Variants in FSIP2 observed in about 807,000 individuals in gnomAD.
The protein encoded by FSIP2 is fibrous sheath interacting protein 2.
FSIP2 carries 367 observed loss-of-function variants against 510.5 expected under a neutral mutation model. The ratio of observed to expected loss-of-function variants is 0.72; its 90% confidence interval spans 0.66 to 0.78. FSIP2 has a LOEUF of 0.78. Ranked by LOEUF, FSIP2 falls within the 30% of genes least tolerant of loss-of-function variation. FSIP2 has a pLI of 0.00. For synonymous variants in FSIP2, 2,601 were observed against 2,732.2 expected (o/e 0.95, Z 1.50); for missense variants, 7,594 against 7,901.7 (o/e 0.96, Z 1.48).
chr2:185,787,883 T>G (rs1332043192), intron 15 of FSIP2: 1 of 151,760 alleles, frequency 6.6e-6, no homozygotes, highest in Admixed American at 6.6e-5. Flanking sequence ...ATTTGTTACC[T>G]TACTTTAGTA....
Position 185,801,065 on chromosome 2 carries a change from G to A in FSIP2, c.11759G>A (p.Ser3920Asn). The A allele has an allele frequency of 6.5e-7, 1 of 1,532,396 alleles. No individual in the cohort carries two copies. 94.9% of individuals were successfully genotyped at this position (1,532,396 alleles called of 1,614,324 possible). ...NSLTVSLNNPSVVSSKIQAPF... is the reference protein window; with the variant it reads ...NSLTVSLNNPNVVSSKIQAPF... ...TTGACAGTATCCCTGAATAATCCCAGTGTGGTTAGCTCCAAAATACAAGCA... is the reference window on the plus strand; with the variant it reads ...TTGACAGTATCCCTGAATAATCCCAATGTGGTTAGCTCCAAAATACAAGCA... The change falls in exon 17 of 23, where the codon AGT becomes AAT. Residue 3920 changes from serine to asparagine, a missense_variant. Physicochemically the swap from Ser to Asn is conservative, Grantham distance 46. Coordinates refer to ENST00000424728, the MANE Select transcript of FSIP2 (RefSeq NM_173651.4).
chr2:185,809,402 C>T (rs1693678830), intron 17 of FSIP2, among the ~76,000 whole-genome samples: 1 of 152,102 alleles, frequency 6.6e-6, no homozygotes, highest in South Asian at 2.1e-4. Context: ...AGATTGTAAG[C>T]ACATACCCTT....
intron 8 of FSIP2, among the ~76,000 whole-genome samples, chr2:185,754,802 G>C (rs1692210848): frequency 6.6e-6 from 1 of 151,364 alleles, no homozygotes; most frequent in Admixed American, 6.6e-5. Flanking sequence ...GTCCAATCCT[G>C]TTTCATCATT....
At position 185,790,261 on chromosome 2, in the gene FSIP2, G is replaced by A. The variant is rs1236251087; in HGVS notation, c.3125G>A (p.Cys1042Tyr). 6.5e-7 allele frequency: 1 copy of A among 1,533,240 alleles called. No homozygotes were observed. The highest frequency in any genetic ancestry group is 8.7e-7 in the Non-Finnish European group (1 of 1,145,242). 95.0% of individuals were successfully genotyped at this position (1,533,240 alleles called of 1,614,324 possible). Residue 1042 changes from cysteine (C) to tyrosine (Y), a missense_variant, in exon 16 of 23, where the codon TGT (cysteine) becomes TAT (tyrosine). Coordinates refer to ENST00000424728, the MANE Select transcript of FSIP2 (RefSeq NM_173651.4). ...PNHWFTKGNT[C>Y]FECKRNIKPP... ...CATTGGTTTACAAAGGGAAACACTT[G>A]TTTTGAATGCAAAAGAAATATCAAA...
rs1293673680 is a variant in FSIP2, at chr2:185,805,233, G to A, written c.15927G>A (p.Met5309Ile). 6.3e-7 allele frequency: 1 copy of A among 1,596,368 alleles called. No individual in the cohort carries two copies. Among genetic ancestry groups the A allele is most frequent in the Non-Finnish European group, 8.5e-7 (1 of 1,173,570 alleles). ...ATGAAATGGCAGAGCTAGATATTAT[G>A]GGCTTGGCTCTAAAACTTGCAAATT... The part of the protein sequence containing the change: ...KKNEMAELDI[M>I]GLALKLANSL... The change falls in exon 17 of 23, where the codon ATG (methionine) becomes ATA (isoleucine). Residue 5309 changes from methionine to isoleucine, a missense_variant. Physicochemically the swap from Met to Ile is conservative, Grantham distance 10. Coordinates refer to ENST00000424728, the MANE Select transcript of FSIP2 (RefSeq NM_173651.4).
chr2:185,805,894 CAAA>C lies in FSIP2; in HGVS notation c.16591_16593del (p.Lys5531del), dbSNP rs756387364. On this transcript the variant is annotated inframe_deletion, in exon 17 of 23. Transcript: ENST00000424728. ...TGAAAATAAAGTGGGAATTTGTACT[CAAA>C]AACATAGTGAGAATGTATCAAAAGT... is the stretch of plus-strand genomic sequence containing the variant. The C allele has an allele frequency of 2.1e-5, 33 of 1,607,216 alleles. No individual in the cohort carries two copies. The Admixed American group carries it at 4.8e-4, about 23-fold the overall frequency.
In FSIP2 at chr2:185,802,789, A is replaced by G. The variant is rs1693470625; in HGVS notation, c.13483A>G (p.Lys4495Glu). ...SSLVLNRDTQKDISRVNFNDI... is the reference protein window; with the variant it reads ...SSLVLNRDTQEDISRVNFNDI... ...CCTGGTTCTAAACAGAGACACCCAAAAAGATATATCAAGAGTGAATTTCAA... is the reference window on the plus strand; with the variant it reads ...CCTGGTTCTAAACAGAGACACCCAAGAAGATATATCAAGAGTGAATTTCAA... The change falls in exon 17 of 23, where the codon AAA becomes GAA. Residue 4495 changes from lysine to glutamate, a missense_variant. Lys to Glu is a moderately conservative substitution (Grantham distance 56). Transcript: ENST00000424728. The G allele has an allele frequency of 2.0e-6, 3 of 1,521,260 alleles. No homozygotes were observed. The highest frequency in any genetic ancestry group is 2.6e-6 in the Non-Finnish European group (3 of 1,141,028). The allele number at this position is 1,521,260 out of a possible 1,614,324, so 94.2% of individuals were successfully genotyped here. A position where few individuals can be genotyped will look rare whatever the true frequency, so the allele number is the denominator to read the frequency against.
At chr2:185,760,883 CAATTAAAT>C in intron 9 of FSIP2, 97 bp from the exon 10 acceptor site, 1 of 511,746 alleles carries the variant, frequency 2.0e-6, no homozygotes, top group African/African-American at 2.0e-5. Flanking sequence ...ATTTCCAAGT[CAATTAAAT>C]AATTAAATAG....
rs530990340 is a variant in FSIP2, at chr2:185,782,730, G to A, written c.1437G>A (p.Pro479=). The part of the protein sequence containing the change: ...ESGPQAHATD[P]GIFSSPVYTN... ...GACCTCAGGCTCATGCTACAGACCCGGGTATATTTTCTTCTCCTGTTTACA... is the reference window on the plus strand; with the variant it reads ...GACCTCAGGCTCATGCTACAGACCCAGGTATATTTTCTTCTCCTGTTTACA... The change falls in exon 14 of 23, where the codon CCG becomes CCA. Residue 479 remains proline (P), a synonymous_variant. Coordinates refer to ENST00000424728, the MANE Select transcript of FSIP2 (RefSeq NM_173651.4). 28 of 1,515,542 alleles carry A rather than the reference G, an allele frequency of 1.8e-5. No individual in the cohort carries two copies. The East Asian group carries it at 4.4e-4, about 24-fold the overall frequency. 93.9% of individuals were successfully genotyped at this position (1,515,542 alleles called of 1,614,324 possible).
chr2:185,796,243 A>G lies in FSIP2; in HGVS notation c.9107A>G (p.Asn3036Ser). ...NLSSIQQKLLNKKMLPKLQPL... is the reference protein window; with the variant it reads ...NLSSIQQKLLSKKMLPKLQPL... ...TCTTCTATCCAACAGAAACTGTTAAACAAAAAAATGTTGCCAAAATTACAA... is the reference window on the plus strand; with the variant it reads ...TCTTCTATCCAACAGAAACTGTTAAGCAAAAAAATGTTGCCAAAATTACAA... Residue 3036 changes from asparagine to serine, a missense_variant, in exon 16 of 23, where the codon AAC becomes AGC. Physicochemically the swap from Asn to Ser is conservative, Grantham distance 46. Coordinates refer to ENST00000424728, the MANE Select transcript of FSIP2 (RefSeq NM_173651.4). 5 of 1,531,078 alleles carry G rather than the reference A, an allele frequency of 3.3e-6. No homozygotes were observed. Among genetic ancestry groups the G allele is most frequent in the Non-Finnish European group, 3.5e-6 (4 of 1,145,112 alleles). The allele number at this position is 1,531,078 out of a possible 1,614,324, so 94.8% of individuals were successfully genotyped here.
intron 21 of FSIP2, among the ~76,000 whole-genome samples, chr2:185,829,489 T>C (rs1382345638): frequency 6.6e-6 from 1 of 151,974 alleles, no homozygotes; most frequent in Admixed American, 6.6e-5. Flanking sequence ...ATAGATCAAC[T>C]GGATAGAACA....
At chr2:185,744,929 T>C (rs1290045967) in intron 4 of FSIP2, 1 of 153,012 alleles carries the variant, frequency 6.5e-6, no homozygotes, top group Non-Finnish European at 1.5e-5. Context: ...TGAATGGTTA[T>C]GGATAGTGAC....
At chr2:185,767,164 G>A (rs1374633444) in intron 13 of FSIP2, among the ~76,000 whole-genome samples, 1 of 144,196 alleles carries the variant, frequency 6.9e-6, no homozygotes, top group East Asian at 2.1e-4. Context: ...TCTGGGGACT[G>A]TTGTGGGGTG....
chr2:185,824,886 G>T (rs1266159794), intron 20 of FSIP2, among the ~76,000 whole-genome samples: 1 of 151,706 alleles, frequency 6.6e-6, no homozygotes, highest in Non-Finnish European at 1.5e-5. Flanking sequence ...GGCCTAGGAT[G>T]TATCTCACTT....
Position 185,805,297 on chromosome 2 carries a change from T to C in FSIP2, c.15991T>C (p.Leu5331=). Residue 5331 remains leucine, a synonymous_variant, in exon 17 of 23, where the codon TTA becomes CTA. Coordinates refer to ENST00000424728, the MANE Select transcript of FSIP2 (RefSeq NM_173651.4). The part of the protein sequence containing the change: ...REFKKSDIKV[L]PNAEKMFSFP... Reference sequence around the variant, plus strand: ...ATTTAAGAAAAGTGATATTAAAGTTTTACCAAATGCTGAAAAAATGTTTTC... The same window carrying C: ...ATTTAAGAAAAGTGATATTAAAGTTCTACCAAATGCTGAAAAAATGTTTTC... The C allele has an allele frequency of 6.3e-7, 1 of 1,595,896 alleles. No individual in the cohort carries two copies.
intron 8 of FSIP2, 67 bp downstream of exon 8, chr2:185,753,909 G>C: frequency 9.2e-7 from 1 of 1,091,632 alleles, no homozygotes; most frequent in Non-Finnish European, 1.2e-6. Context: ...AAAAATCCTT[G>C]TGTAATACTC....
rs770102211 is a variant in FSIP2, at chr2:185,808,702, C to T, written c.19396C>T (p.Pro6466Ser). The T allele has an allele frequency of 6.2e-7, 1 of 1,611,288 alleles. No individual in the cohort carries two copies. The highest frequency in any genetic ancestry group is 1.1e-5 in the South Asian group (1 of 90,748). Residue 6466 changes from proline (P) to serine (S), a missense_variant, in exon 17 of 23, where the codon CCA (proline) becomes TCA (serine). Coordinates refer to ENST00000424728, the MANE Select transcript of FSIP2 (RefSeq NM_173651.4). ...SLIIDGVSSF[P>S]LDTINSTISN... ...AATTATTGATGGAGTTTCAAGTTTT[C>T]CATTAGATACAATTAACTCAACAAT...
intron 14 of FSIP2, among the ~76,000 whole-genome samples, chr2:185,785,217 A>G (rs1409421896): frequency 6.6e-6 from 1 of 152,086 alleles, no homozygotes; most frequent in Non-Finnish European, 1.5e-5. Flanking sequence ...ATCTTAGAAA[A>G]ACAAATTAGG....
Position 185,753,718 on chromosome 2 carries a change from G to A in FSIP2, c.871-4G>A. On this transcript the variant is annotated splice_polypyrimidine_tract_variant and splice_region_variant and intron_variant, in intron 7 of 22. Transcript: ENST00000424728. ...TAACCAATATATTTTCTTTAATATT[G>A]TAGAAACAAGATCTTCTAGAGAAAA... 3 of 1,116,568 alleles carry A rather than the reference G, an allele frequency of 2.7e-6. No individual in the cohort carries two copies. Among genetic ancestry groups the A allele is most frequent in the Non-Finnish European group, 3.8e-6 (3 of 795,810 alleles). The allele number at this position is 1,116,568 out of a possible 1,614,324, so 69.2% of individuals were successfully genotyped here. A position where few individuals can be genotyped will look rare whatever the true frequency, so the allele number is the denominator to read the frequency against.
Sources: gnomAD v4.1 joint callset for allele counts (sites outside exome capture counted in the v4.1 genomes callset) on GRCh38, gnomAD v4.1.1 for gene constraint, MANE v1.5 for transcripts, NCBI Gene and HGNC (gene_info 2026-07-23, HGNC 2026-07-21) for gene names.